NCOR2: variants seen among roughly 807,000 people sequenced by gnomAD.
NCOR2 encodes the protein CTG repeat protein 26.
In NCOR2, 81 loss-of-function variants were observed where a neutral mutation model predicts 262.9. The ratio of observed to expected loss-of-function variants is 0.31; its 90% CI spans 0.26 to 0.37. The LOEUF (loss-of-function observed/expected upper bound fraction) is 0.37. NCOR2 is among the 10% of genes least tolerant of loss of function. The pLI, the probability that NCOR2 is intolerant of heterozygous loss-of-function variation, is 1.00. For missense variants in NCOR2, 3,385 were observed against 3,621.4 expected (o/e 0.93, Z 1.68); for synonymous variants, 1,659 against 1,559.3 (o/e 1.06, Z -1.51).
In NCOR2 at chr12:124,481,441, C is replaced by G. The variant is rs2047478822; in HGVS notation, c.411+2155G>C. Among the ~76,000 whole-genome samples the G allele has an allele frequency of 6.6e-6, 1 of 152,294 alleles. No individual in the cohort carries two copies. The highest frequency in any genetic ancestry group is 2.4e-5 in the African/African-American group (1 of 41,562). On this transcript the variant is annotated intron_variant, in intron 3 of 46. Coordinates refer to ENST00000405201, the Ensembl canonical transcript of NCOR2. The surrounding 1 kb of genome is among the most constrained non-coding windows in gnomAD (Gnocchi z 4.6). Reference sequence around the variant, plus strand: ...GGCTGCAGCCTCAGCCATGAGTGGCCTCGAGAGTCCCCACAGGGCTAGCCA... The same window carrying G: ...GGCTGCAGCCTCAGCCATGAGTGGCGTCGAGAGTCCCCACAGGGCTAGCCA...
At chr12:124,510,582 G>A (rs1490331671) in intron 1 of NCOR2, among the ~76,000 whole-genome samples, 1 of 152,224 alleles carries the variant, frequency 6.6e-6, no homozygotes, top group African/African-American at 2.4e-5. Context: ...TGCAAACCCA[G>A]GCGAGCCACC....
intron 17 of NCOR2, among the ~76,000 whole-genome samples, chr12:124,384,517 G>A (rs963780174): frequency 2.0e-5 from 3 of 152,156 alleles, no homozygotes; most frequent in African/African-American, 2.4e-5. Context: ...CCGTGGGACC[G>A]TGGCCCCTCG....
chr12:124,399,995 GT>G (rs2041911115), intron 15 of NCOR2, among the ~76,000 whole-genome samples: 1 of 152,264 alleles, frequency 6.6e-6, no homozygotes, highest in South Asian at 2.1e-4. Context: ...GTGGGGACAA[GT>G]AGAGCCCATG....
At chr12:124,539,639 C>T (rs1202302765), upstream of NCOR2, 2 of 152,362 alleles carry the variant, frequency 1.3e-5, no homozygotes, top group African/African-American at 4.8e-5. This position sits in a 1 kb window ranked among gnomAD's most constrained non-coding sequence, Gnocchi z 5.1. Flanking sequence ...AGTTCCAAGG[C>T]TCCCCTCTGC....
chr12:124,550,156 A>G (rs1277033829), intron 1 of NCOR2, among the ~76,000 whole-genome samples: 1 of 38,944 alleles, frequency 2.6e-5, no homozygotes, highest in Non-Finnish European at 6.6e-5. Context: ...TGCAACAGAG[A>G]GTGACCCAAC....
chr12:124,339,219 A>ACCAACCCCCCCC (rs1566363037), intron 37 of NCOR2, among the ~76,000 whole-genome samples: 1 of 63,316 alleles, frequency 1.6e-5, no homozygotes, highest in African/African-American at 7.2e-5. Context: ...TCTACCTACC[A>ACCAACCCCCCCC]CCCACCCACC....
At chr12:124,529,544 G>A (rs2050676172) in intron 1 of NCOR2, among the ~76,000 whole-genome samples, 2 of 152,212 alleles carry the variant, frequency 1.3e-5, no homozygotes, top group Admixed American at 6.6e-5. Flanking sequence ...CCCAACTGGT[G>A]CAATCCGGCA....
intron 1 of NCOR2, among the ~76,000 whole-genome samples, chr12:124,553,884 C>T (rs898826872): frequency 6.6e-5 from 10 of 152,146 alleles, no homozygotes; most frequent in Non-Finnish European, 1.0e-4. Context: ...TCCAAGAGCC[C>T]GAGCTGCATG....
chr12:124,343,268 G>A, intron 32 of NCOR2, 42 bp from the exon 35 acceptor site: 1 of 1,555,176 alleles, frequency 6.4e-7, no homozygotes, highest in Non-Finnish European at 8.8e-7. Flanking sequence ...TCTGGGGCTG[G>A]CATTTACGGG....
chr12:124,550,233 G>A (rs2051673954), intron 1 of NCOR2, among the ~76,000 whole-genome samples: 1 of 152,206 alleles, frequency 6.6e-6, no homozygotes, highest in South Asian at 2.1e-4. Flanking sequence ...GAGAGTGTCA[G>A]TTGGGCACCC....
chr12:124,487,263 C>T (rs755163438), intron 1 of NCOR2, among the ~76,000 whole-genome samples: 8 of 152,290 alleles, frequency 5.3e-5, no homozygotes, highest in East Asian at 1.9e-4. Context: ...CAAGTGATGG[C>T]GACAAACACC....
chr12:124,520,148 C>T (rs990645476), intron 1 of NCOR2, among the ~76,000 whole-genome samples: 3 of 152,180 alleles, frequency 2.0e-5, no homozygotes, highest in African/African-American at 4.8e-5. Flanking sequence ...CTAGCCTTCC[C>T]CAGGAAACAC....
At chr12:124,535,944 C>T (rs1292126666), upstream of NCOR2, among the ~76,000 whole-genome samples, 1 of 152,086 alleles carries the variant, frequency 6.6e-6, no homozygotes, top group Non-Finnish European at 1.5e-5. Flanking sequence ...GGCTAGGCTA[C>T]TGGGAAACTG....
rs1050423046 is a variant in NCOR2 at position 124,517,645 on chromosome 12, C to CG, written c.-118+17919dup. Among the ~76,000 whole-genome samples the CG allele has an allele frequency of 8.3e-4, 126 of 152,336 alleles. No individual in the cohort carries two copies. The highest frequency in any genetic ancestry group is 3.0e-3 in the African/African-American group (123 of 41,576). On this transcript the variant is annotated intron_variant, in intron 1 of 46. Transcript: ENST00000404621. The surrounding 1 kb of genome is among the most constrained non-coding windows in gnomAD (Gnocchi z 7.6). ...TCACATGCCCTCCTGAAGTCAACTCCGGGAACAGAAGCCCCCTGAGCCCCC... is the reference window on the plus strand; with the variant it reads ...TCACATGCCCTCCTGAAGTCAACTCCGGGGAACAGAAGCCCCCTGAGCCCCC...
At chr12:124,567,110 C>A (rs2052271386) in intron 1 of NCOR2, among the ~76,000 whole-genome samples, 198 bp downstream of exon 1, 1 of 151,958 alleles carries the variant, frequency 6.6e-6, no homozygotes, top group African/African-American at 2.4e-5. Flanking sequence ...CTAAGTTCCC[C>A]GGCGCCCCCG....
chr12:124,375,198 G>C (rs2039892189), intron 18 of NCOR2, among the ~76,000 whole-genome samples: 1 of 152,210 alleles, frequency 6.6e-6, no homozygotes, highest in Admixed American at 6.5e-5. Context: ...GCCTTCCTCT[G>C]CCTGGTGACT....
intron 1 of NCOR2, among the ~76,000 whole-genome samples, chr12:124,543,671 G>A (rs756584881): frequency 7.2e-5 from 11 of 152,228 alleles, no homozygotes; most frequent in Non-Finnish European, 1.3e-4. Flanking sequence ...GGAAGGAGCC[G>A]GGGTATCGAC....
intron 1 of NCOR2, among the ~76,000 whole-genome samples, chr12:124,518,833 C>T (rs149136640): frequency 1.3e-3 from 191 of 152,318 alleles, no homozygotes; most frequent in African/African-American, 4.1e-3. Flanking sequence ...TGTCCAGCTT[C>T]GAGCCGCACC....
chr12:124,392,709 T>C (rs925019934), intron 16 of NCOR2, among the ~76,000 whole-genome samples: 1 of 152,156 alleles, frequency 6.6e-6, no homozygotes, highest in African/African-American at 2.4e-5. Flanking sequence ...AGTGGACATG[T>C]AGTGGAGGAG....
Sources: gnomAD v4.1 joint callset for allele counts (sites outside exome capture counted in the v4.1 genomes callset) on GRCh38, gnomAD v4.1.1 for gene constraint, Gnocchi (gnomAD v3.1) non-coding constraint, MANE v1.5 for transcripts, NCBI Gene and HGNC (gene_info 2026-07-23, HGNC 2026-07-21) for gene names.